Variants in STX18 observed in about 807,000 individuals in gnomAD.
STX18 encodes syntaxin 18, also known as syntaxin-18.
Under a neutral mutation model 50.1 loss-of-function variants are expected in STX18, and 40 were observed. That is an observed-to-expected ratio of 0.80 (90% CI 0.62 to 1.04). The LOEUF is 1.04. Among genes scored for constraint, STX18 ranks in the 50% least tolerant of loss-of-function variants. The probability of loss-of-function intolerance (pLI) is 0.00; values close to 1 mark genes in which losing one functional copy is unlikely to be tolerated. For synonymous variants in STX18, 158 were observed against 151.8 expected, an observed-to-expected ratio of 1.04 and a Z score of -0.30; for missense variants, 410 against 415.8, an observed-to-expected ratio of 0.99 and a Z score of 0.12.
intron 1 of STX18, among the ~76,000 whole-genome samples, chr4:4,494,599 T>A (rs1217260008): frequency 1.3e-5 from 2 of 152,192 alleles, no homozygotes; most frequent in Non-Finnish European, 2.9e-5. Flanking sequence ...TGCTATTTAA[T>A]CCTAGATCTC....
chr4:4,482,866 C>A (rs1416795883), intron 1 of STX18, among the ~76,000 whole-genome samples: 1 of 152,128 alleles, frequency 6.6e-6, no homozygotes, highest in Non-Finnish European at 1.5e-5. Context: ...TTCCATCAGT[C>A]TGGAAATCTT....
intron 5 of STX18, among the ~76,000 whole-genome samples, chr4:4,455,466 G>A (rs1727015943): frequency 6.6e-6 from 1 of 152,236 alleles, no homozygotes; most frequent in Non-Finnish European, 1.5e-5. Flanking sequence ...GTAGGCCTGA[G>A]GCTGCTATCC....
intron 2 of STX18, among the ~76,000 whole-genome samples, chr4:4,468,541 G>A (rs941447265): frequency 5.3e-5 from 8 of 152,010 alleles, no homozygotes; most frequent in African/African-American, 1.7e-4. Flanking sequence ...CCTTCCTTTC[G>A]TCCTTGTTAT....
intron 1 of STX18, among the ~76,000 whole-genome samples, chr4:4,537,566 G>C (rs910987897): frequency 6.6e-6 from 1 of 152,182 alleles, no homozygotes; most frequent in East Asian, 1.9e-4. Context: ...ATAAGAGCTA[G>C]AGAAAGAAGC....
chr4:4,439,945 C>T (rs946160845), intron 5 of STX18, among the ~76,000 whole-genome samples: 1 of 152,220 alleles, frequency 6.6e-6, no homozygotes, highest in African/African-American at 2.4e-5. Flanking sequence ...AGTCTATAAT[C>T]CCCCTGTTTA....
chr4:4,457,145 G>T (rs751336701), intron 5 of STX18, 46 bp downstream of exon 5: 1 of 1,515,060 alleles, frequency 6.6e-7, no homozygotes, highest in Admixed American at 1.7e-5. Flanking sequence ...GCTATTATTA[G>T]TAGTACTATT....
chr4:4,531,029 T>G (rs1040101046), intron 1 of STX18, among the ~76,000 whole-genome samples: 4 of 152,214 alleles, frequency 2.6e-5, no homozygotes, highest in Non-Finnish European at 5.9e-5. Flanking sequence ...TTTTAATGTA[T>G]GTATGAAACA....
At chr4:4,511,926 TTGTC>T (rs1455933811) in intron 1 of STX18, among the ~76,000 whole-genome samples, 4 of 152,076 alleles carry the variant, frequency 2.6e-5, no homozygotes, top group Non-Finnish European at 4.4e-5. Flanking sequence ...GGATAATACT[TTGTC>T]TGGGGGCGGA....
chr4:4,530,961 T>C (rs1252247069), intron 1 of STX18, among the ~76,000 whole-genome samples: 3 of 152,212 alleles, frequency 2.0e-5, no homozygotes, highest in African/African-American at 2.4e-5. Context: ...TCAACATTCA[T>C]CTTCATTTTC....
In STX18 at chr4:4,425,233, A is replaced by T. The variant is rs1339922085; in HGVS notation, c.703-11T>A. ...ATTTTCCTGTTCAAACTGTGAGGAA[A>T]CAGACACACTCAGGATGACATCATA... On this transcript the variant is annotated splice_polypyrimidine_tract_variant and intron_variant, in intron 7 of 10. Coordinates refer to ENST00000306200, the MANE Select transcript of STX18 (RefSeq NM_016930.4). The T allele has an allele frequency of 6.2e-7, 1 of 1,613,192 alleles. No homozygotes were observed. Among genetic ancestry groups the T allele is most frequent in the South Asian group, 1.1e-5 (1 of 91,056 alleles).
intron 2 of STX18, among the ~76,000 whole-genome samples, chr4:4,468,699 GA>G (rs1017326591): frequency 6.6e-6 from 1 of 152,094 alleles, no homozygotes; most frequent in African/African-American, 2.4e-5. Flanking sequence ...AACCACTTTG[GA>G]AAATTGCTTG....
chr4:4,461,797 C>A, intron 2 of STX18: 1 of 450,438 alleles, frequency 2.2e-6, no homozygotes, highest in Non-Finnish European at 4.5e-6. Context: ...AACCAACTTC[C>A]CCAAATGACA....
intron 5 of STX18, among the ~76,000 whole-genome samples, chr4:4,443,482 G>A (rs897548948): frequency 1.3e-5 from 2 of 152,242 alleles, no homozygotes; most frequent in African/African-American, 4.8e-5. Context: ...TCCCTAGGAT[G>A]AGGAACAACG....
intron 5 of STX18, among the ~76,000 whole-genome samples, chr4:4,442,044 A>G (rs1726134311): frequency 6.6e-6 from 1 of 152,190 alleles, no homozygotes; most frequent in Admixed American, 6.5e-5. Flanking sequence ...AATATCATGG[A>G]GATTAGGAAG....
At chr4:4,464,916 G>A (rs1192462386) in intron 2 of STX18, among the ~76,000 whole-genome samples, 1 of 147,944 alleles carries the variant, frequency 6.8e-6, no homozygotes, top group Admixed American at 6.7e-5. Context: ...TTTTTTTTGT[G>A]TGTGTCTCTA....
At chr4:4,459,052 A>ACACACACGCGCG (rs1727233305) in intron 3 of STX18, among the ~76,000 whole-genome samples, 1 of 140,166 alleles carries the variant, frequency 7.1e-6, no homozygotes, top group African/African-American at 3.1e-5. Context: ...CACACAGAAC[A>ACACACACGCGCG]CACACACACG....
intron 6 of STX18, among the ~76,000 whole-genome samples, chr4:4,437,856 G>A (rs1292979179): frequency 6.6e-6 from 1 of 152,232 alleles, no homozygotes; most frequent in Non-Finnish European, 1.5e-5. Flanking sequence ...TACATTTTCG[G>A]ACTTCATGGA....
At chr4:4,476,408 T>C (rs1248328759) in intron 1 of STX18, among the ~76,000 whole-genome samples, 2 of 152,246 alleles carry the variant, frequency 1.3e-5, no homozygotes, top group Non-Finnish European at 2.9e-5. Context: ...CAGATATTCT[T>C]AGTGGAAAGA....
At chr4:4,448,838 C>T (rs779412378) in intron 5 of STX18, among the ~76,000 whole-genome samples, 11 of 152,146 alleles carry the variant, frequency 7.2e-5, no homozygotes, top group Non-Finnish European at 1.5e-5. Flanking sequence ...AAATGGCTTT[C>T]AGTATCTTTC....
Sources: gnomAD v4.1 joint callset for allele counts (sites outside exome capture counted in the v4.1 genomes callset) on GRCh38, gnomAD v4.1.1 for gene constraint, MANE v1.5 for transcripts, NCBI Gene and HGNC (gene_info 2026-07-23, HGNC 2026-07-21) for gene names.